The following MAPK10 variants were observed in gnomAD, a reference collection of about 807,000 sequenced individuals.
MAPK10 encodes JNK3 alpha protein kinase.
A neutral mutation model predicts 59.3 loss-of-function variants in MAPK10; 25 were observed. The observed-to-expected ratio is 0.42, with a 90% CI of 0.31 to 0.59. The LOEUF (loss-of-function observed/expected upper bound fraction) is 0.59. Among genes scored for constraint, MAPK10 ranks in the 20% least tolerant of loss-of-function variants. The probability of loss-of-function intolerance (pLI) is 0.15; values close to 1 mark genes in which losing one functional copy is unlikely to be tolerated. For synonymous variants in MAPK10, 190 were observed against 200.5 expected (o/e 0.95, Z 0.44); for missense variants, 351 against 568.9 (o/e 0.62, Z 3.90).
At chr4:86,487,362 A>T (rs79673083) in intron 1 of MAPK10, among the ~76,000 whole-genome samples, 5,337 of 148,768 alleles carry the variant, frequency 0.036, 162 homozygotes, top group African/African-American at 0.085. Flanking sequence ...AGAGAGAGAG[A>T]GTGTGTGTGT....
chr4:86,208,538 A>G (rs2084832220), intron 2 of MAPK10, among the ~76,000 whole-genome samples: 1 of 151,630 alleles, frequency 6.6e-6, no homozygotes, highest in Non-Finnish European at 1.5e-5. Flanking sequence ...AAAATTCAAC[A>G]ACACTTCATG....
chr4:86,456,632 C>A (rs888046956), upstream of MAPK10, among the ~76,000 whole-genome samples: 1 of 151,832 alleles, frequency 6.6e-6, no homozygotes, highest in African/African-American at 2.4e-5. Context: ...CTGAACAGAC[C>A]AATAACAAAC....
chr4:86,077,833 CG>C (rs1561407435), intron 9 of MAPK10, among the ~76,000 whole-genome samples: 3 of 152,118 alleles, frequency 2.0e-5, no homozygotes, highest in African/African-American at 7.2e-5. Flanking sequence ...TTATCATGCA[CG>C]CCAAACAGCT....
At chr4:86,207,361 A>G (rs2084368634) in intron 2 of MAPK10, among the ~76,000 whole-genome samples, 1 of 151,828 alleles carries the variant, frequency 6.6e-6, no homozygotes, top group Admixed American at 6.6e-5. Context: ...AGTTGTAGAT[A>G]GGCGGTGTTA....
chr4:86,063,989 C>T (rs1200678074), intron 11 of MAPK10, among the ~76,000 whole-genome samples: 1 of 151,962 alleles, frequency 6.6e-6, no homozygotes, highest in Non-Finnish European at 1.5e-5. Flanking sequence ...CAAGAAGAAA[C>T]ACAAGTATTG....
intron 1 of MAPK10, among the ~76,000 whole-genome samples, chr4:86,477,065 GAC>G (rs1173056311): frequency 6.6e-6 from 1 of 152,180 alleles, no homozygotes; most frequent in Non-Finnish European, 1.5e-5. Context: ...GCTGAAGACT[GAC>G]ACTGCCCGAT....
At chr4:86,070,434 A>G (rs2149000132) in intron 9 of MAPK10, among the ~76,000 whole-genome samples, 1 of 149,212 alleles carries the variant, frequency 6.7e-6, no homozygotes, top group South Asian at 2.1e-4. Context: ...GTACATGTGC[A>G]CATTGTGCAG....
At chr4:86,199,736 T>C (rs890024298) in intron 2 of MAPK10, among the ~76,000 whole-genome samples, 17 of 152,074 alleles carry the variant, frequency 1.1e-4, no homozygotes, top group African/African-American at 3.6e-4. Context: ...TTATTGGATA[T>C]GTCTGAAATA....
At chr4:86,278,096 A>T (rs1039210143) in intron 2 of MAPK10, among the ~76,000 whole-genome samples, 2 of 152,158 alleles carry the variant, frequency 1.3e-5, no homozygotes, top group African/African-American at 2.4e-5. Flanking sequence ...CTTTGTCTAC[A>T]TCACTATTTT....
intron 1 of MAPK10, among the ~76,000 whole-genome samples, chr4:86,532,274 C>A (rs567099234): frequency 6.6e-6 from 1 of 152,148 alleles, no homozygotes; most frequent in South Asian, 2.1e-4. Context: ...AGTTTATATT[C>A]TCCTAGGAGA....
At chr4:86,205,856 TATC>T (rs1322132182) in intron 2 of MAPK10, among the ~76,000 whole-genome samples, 1 of 151,950 alleles carries the variant, frequency 6.6e-6, no homozygotes, top group East Asian at 1.9e-4. Context: ...AAGCAACAAA[TATC>T]ATATTTAATG....
intron 3 of MAPK10, among the ~76,000 whole-genome samples, chr4:86,187,462 C>T (rs763793013): frequency 1.3e-5 from 2 of 151,986 alleles, no homozygotes; most frequent in Non-Finnish European, 2.9e-5. Context: ...AGCGTGCAAT[C>T]TAAAACTCAT....
At chr4:86,555,401 G>A (rs1178182970) in intron 1 of MAPK10, among the ~76,000 whole-genome samples, 2 of 152,114 alleles carry the variant, frequency 1.3e-5, no homozygotes, top group South Asian at 2.1e-4. Context: ...AGCCAAGATC[G>A]CACCACTGCA....
chr4:86,259,702 A>C (rs2093907876), intron 2 of MAPK10, among the ~76,000 whole-genome samples: 1 of 152,096 alleles, frequency 6.6e-6, no homozygotes, highest in South Asian at 2.1e-4. Flanking sequence ...TGGTACACTG[A>C]ATTTTCTGTA....
chr4:86,235,312 T>G (rs1338238628), intron 2 of MAPK10, among the ~76,000 whole-genome samples: 1 of 152,164 alleles, frequency 6.6e-6, no homozygotes, highest in East Asian at 1.9e-4. Context: ...TACCAAAACG[T>G]GTGCTTTGTC....
chr4:86,394,568 T>G (rs1261223386), intron 1 of MAPK10, among the ~76,000 whole-genome samples: 1 of 152,212 alleles, frequency 6.6e-6, no homozygotes, highest in Non-Finnish European at 1.5e-5. Flanking sequence ...TATGGGATTT[T>G]TTTCAGCTGA....
intron 4 of MAPK10, chr4:86,120,293 A>C (rs1056233383): frequency 6.6e-6 from 1 of 152,236 alleles, no homozygotes; most frequent in Non-Finnish European, 1.5e-5. Context: ...AAATTGAAGC[A>C]AGGCAGCAAG....
chr4:86,290,109 A>T (rs1055457426), intron 2 of MAPK10, among the ~76,000 whole-genome samples: 2 of 152,218 alleles, frequency 1.3e-5, no homozygotes, highest in Admixed American at 1.3e-4. Context: ...GTTTGGCCAC[A>T]GGATAGGATG....
At chr4:86,171,247 A>C (rs865824293) in intron 3 of MAPK10, among the ~76,000 whole-genome samples, 31 of 152,220 alleles carry the variant, frequency 2.0e-4, no homozygotes, top group African/African-American at 7.5e-4. Context: ...AAGGAAATAG[A>C]GACACAAAAA....
Sources: allele counts gnomAD v4.1 joint callset (sites outside exome capture counted in the v4.1 genomes callset), GRCh38; gene constraint gnomAD v4.1.1; transcripts MANE v1.5; gene names NCBI Gene and HGNC (gene_info 2026-07-23, HGNC 2026-07-21).